The following AGFG2 variants were observed in gnomAD, a reference collection of about 807,000 sequenced individuals.
AGFG2 encodes arf-GAP domain and FG repeat-containing protein 2.
Under a neutral mutation model 48.0 loss-of-function variants are expected in AGFG2, and 31 were observed. The ratio of observed to expected loss-of-function variants is 0.65; its 90% CI spans 0.49 to 0.87. The LOEUF (loss-of-function observed/expected upper bound fraction) is 0.87. Among genes scored for constraint, AGFG2 ranks in the 40% least tolerant of loss-of-function variants. The probability of loss-of-function intolerance (pLI) is 0.00; values close to 1 mark genes in which losing one functional copy is unlikely to be tolerated. For missense variants in AGFG2, 599 were observed against 632.6 expected (o/e 0.95, Z 0.57); for synonymous variants, 229 against 260.8 (o/e 0.88, Z 1.18).
chr7:100,563,602 C>A (rs1800928701), intron 9 of AGFG2, among the ~76,000 whole-genome samples: 1 of 152,208 alleles, frequency 6.6e-6, no homozygotes, highest in Non-Finnish European at 1.5e-5. Flanking sequence ...CAGTCCTGCA[C>A]CGCGCCCGTG....
At chr7:100,548,943 A>G (rs1398573953) in intron 2 of AGFG2, 28 bp downstream of exon 2, 1 of 1,573,656 alleles carries the variant, frequency 6.4e-7, no homozygotes. Flanking sequence ...GAGTGGTGAG[A>G]AGGTCACCTA....
chr7:100,553,799 A>T (rs1451673125), intron 4 of AGFG2, among the ~76,000 whole-genome samples: 5 of 152,222 alleles, frequency 3.3e-5, no homozygotes, highest in Admixed American at 3.3e-4. Flanking sequence ...GGGAAGGTTG[A>T]GGAGTAACAG....
chr7:100,561,165 T>G (rs1368452995), intron 6 of AGFG2, among the ~76,000 whole-genome samples: 1 of 138,256 alleles, frequency 7.2e-6, no homozygotes, highest in Admixed American at 7.1e-5. Flanking sequence ...TCGCTCTTAT[T>G]GCCCAGGCTG....
chr7:100,564,024 G>T, intron 10 of AGFG2, 62 bp downstream of exon 10: 1 of 1,588,068 alleles, frequency 6.3e-7, no homozygotes, highest in Non-Finnish European at 8.6e-7. Context: ...AGATCAGTTA[G>T]TTGTTCCTCC....
At chr7:100,554,337 A>G (rs2131114237) in intron 5 of AGFG2, 79 bp downstream of exon 5, 1 of 1,488,778 alleles carries the variant, frequency 6.7e-7, no homozygotes, top group South Asian at 1.4e-5. Context: ...GGAGGTAACC[A>G]TGGCTCTAGA....
chr7:100,545,640 T>A (rs758605609), intron 1 of AGFG2, among the ~76,000 whole-genome samples: 36 of 152,326 alleles, frequency 2.4e-4, no homozygotes, highest in Non-Finnish European at 3.4e-4. Flanking sequence ...CCCCAGCACT[T>A]CCTGGTTAGA....
At chr7:100,564,365 T>TGTC in intron 11 of AGFG2, 62 bp downstream of exon 11, 1 of 1,521,506 alleles carries the variant, frequency 6.6e-7, no homozygotes, top group Non-Finnish European at 9.0e-7. Context: ...GGACAATCCT[T>TGTC]CCAGAAGAGG....
Position 100,562,203 on chromosome 7 carries a change from C to G in AGFG2, c.878-56C>G. Reference sequence around the variant, plus strand: ...CCACCACCTCCATCTGCTCTCCTGCCCCTCCCGCCCTGTCTTACCTCAGCT... The same window carrying G: ...CCACCACCTCCATCTGCTCTCCTGCGCCTCCCGCCCTGTCTTACCTCAGCT... On this transcript the variant is annotated intron_variant, in intron 6 of 11. Coordinates refer to ENST00000300176, the MANE Select transcript of AGFG2 (RefSeq NM_006076.5). The surrounding 1 kb of genome is among the most constrained non-coding windows in gnomAD (Gnocchi z 5.4). The G allele has an allele frequency of 6.3e-7, 1 of 1,583,678 alleles. No individual in the cohort carries two copies. The highest frequency in any genetic ancestry group is 8.6e-7 in the Non-Finnish European group (1 of 1,160,240).
intron 6 of AGFG2, 105 bp downstream of exon 6, chr7:100,555,840 C>T (rs1800749934): frequency 8.2e-6 from 12 of 1,466,304 alleles, no homozygotes; most frequent in Non-Finnish European, 1.1e-5. Flanking sequence ...CTGCTCAAAG[C>T]AGCAAAGCAC....
intron 11 of AGFG2, among the ~76,000 whole-genome samples, chr7:100,564,566 C>T (rs996791057): frequency 6.6e-6 from 1 of 151,720 alleles, no homozygotes; most frequent in Non-Finnish European, 1.5e-5. Flanking sequence ...CTCCCAGGCC[C>T]AATCTCAGCT....
chr7:100,555,580 A>G (rs1800742593), intron 5 of AGFG2, 30 bp from the exon 6 acceptor site: 1 of 1,605,898 alleles, frequency 6.2e-7, no homozygotes, highest in Non-Finnish European at 8.5e-7. Flanking sequence ...ACAATTTTCT[A>G]TATAACCTTT....
intron 6 of AGFG2, among the ~76,000 whole-genome samples, chr7:100,558,337 G>A (rs1382094201): frequency 6.6e-6 from 1 of 152,194 alleles, no homozygotes; most frequent in Admixed American, 6.5e-5. Flanking sequence ...CCAGTATTAT[G>A]TGGGGGAAAA....
Position 100,562,900 on chromosome 7 carries a change from C to T in AGFG2, c.1125C>T (p.Ser375=), listed in dbSNP as rs772170595. 5.6e-6 allele frequency: 9 copies of T among 1,614,042 alleles called. No individual in the cohort carries two copies. In the East Asian group the frequency reaches 2.0e-4, roughly 36 times the overall value. The change falls in exon 9 of 12, where the codon TCC becomes TCT. Residue 375 remains serine (S), a synonymous_variant. Transcript: ENST00000300176. The surrounding 1 kb of genome is among the most constrained non-coding windows in gnomAD (Gnocchi z 5.4). ...TNPFTAPAAQ[S]PLPSTNPFQP... ...CTTTCACAGCTCCCGCCGCCCAGTC[C>T]CCGCTGCCTTCCACCAACCCGTTCC...
chr7:100,556,589 G>C, intron 6 of AGFG2: 1 of 1,288,882 alleles, frequency 7.8e-7, no homozygotes, highest in Non-Finnish European at 1.0e-6. Flanking sequence ...CACCCTCACT[G>C]CCAGCCAGTC....
chr7:100,541,348 G>A (rs917934704), intron 1 of AGFG2, among the ~76,000 whole-genome samples: 6 of 152,210 alleles, frequency 3.9e-5, no homozygotes, highest in African/African-American at 9.7e-5. Context: ...AAAAGTCATC[G>A]TGGCTCTTGG....
intron 9 of AGFG2, 135 bp from the exon 10 acceptor site, chr7:100,563,699 C>T (rs1800931495): frequency 7.6e-7 from 1 of 1,320,708 alleles, no homozygotes; most frequent in African/African-American, 1.5e-5. Flanking sequence ...AGAAGAGTTC[C>T]ATGGCTGGGT....
chr7:100,544,146 T>C lies in AGFG2; in HGVS notation c.221+4579T>C, dbSNP rs181011043. Among the ~76,000 whole-genome samples the C allele has an allele frequency of 9.2e-5, 14 of 152,312 alleles. No individual in the cohort carries two copies. In the East Asian group the frequency reaches 2.3e-3, roughly 25 times the overall value. The stretch of plus-strand genomic sequence containing the variant: ...ATGGATGTTGAGGCCTGAGATCTCA[T>C]TGACACAAGGATGGACGCTAACTTT... On this transcript the variant is annotated intron_variant, in intron 1 of 11. Coordinates refer to ENST00000300176, the MANE Select transcript of AGFG2 (RefSeq NM_006076.5).
intron 6 of AGFG2, among the ~76,000 whole-genome samples, chr7:100,557,666 C>A (rs1800784744): frequency 6.6e-6 from 1 of 152,090 alleles, no homozygotes; most frequent in Non-Finnish European, 1.5e-5. Context: ...ATCTCCTGAC[C>A]TCAAGTGATC....
At chr7:100,542,964 A>G (rs61309832) in intron 1 of AGFG2, among the ~76,000 whole-genome samples, 12,384 of 152,240 alleles carry the variant, frequency 0.081, 561 homozygotes, top group African/African-American at 0.12. Flanking sequence ...ATGGACTATA[A>G]AGAAATCGTT....
Sources: allele counts gnomAD v4.1 joint callset (sites outside exome capture counted in the v4.1 genomes callset), GRCh38; gene constraint gnomAD v4.1.1; non-coding constraint Gnocchi (gnomAD v3.1); transcripts MANE v1.5; gene names NCBI Gene and HGNC (gene_info 2026-07-23, HGNC 2026-07-21).